The following TRAP1 variants were observed in gnomAD, a reference collection of about 807,000 sequenced individuals.
TRAP1 encodes heat shock protein 75 kDa, mitochondrial.
Under a neutral mutation model 89.1 loss-of-function variants are expected in TRAP1, and 102 were observed. That is an observed-to-expected ratio of 1.15 (90% CI 0.98 to 1.35). The LOEUF is 1.35. Among genes scored for constraint, TRAP1 ranks in the 40% most tolerant of loss-of-function variants. The pLI, the probability that TRAP1 is intolerant of heterozygous loss-of-function variation, is 0.00. For missense variants in TRAP1, 1,256 were observed against 945.3 expected, an observed-to-expected ratio of 1.33 and a Z score of -4.31; for synonymous variants, 508 against 388.0, an observed-to-expected ratio of 1.31 and a Z score of -3.64.
rs114728738 is a variant in TRAP1 at position 3,664,120 on chromosome 16, G to C, written c.1569+154C>G. 1,430 of 767,492 alleles carry C rather than the reference G, an allele frequency of 1.9e-3. 30 individuals are homozygous for C. In the African/African-American group the frequency reaches 0.023, roughly 12 times the overall value. The allele number at this position is 767,492 out of a possible 1,614,324, so 47.5% of individuals were successfully genotyped here. A position where few individuals can be genotyped will look rare whatever the true frequency, so the allele number is the denominator to read the frequency against. ...TGTGACCTCCAAGTGGGAAACAGCC[G>C]TCACAGTCGGTCCGGCCTCTGTGCC... On this transcript the variant is annotated intron_variant, in intron 13 of 17. Coordinates refer to ENST00000246957, the MANE Select transcript of TRAP1 (RefSeq NM_016292.3).
chr16:3,707,364 T>C (rs976939677), intron 1 of TRAP1, among the ~76,000 whole-genome samples: 5 of 151,338 alleles, frequency 3.3e-5, no homozygotes, highest in African/African-American at 1.2e-4. Flanking sequence ...GTTTTGTATT[T>C]TTAGTAGAGA....
At chr16:3,709,227 C>CAAAAAAA (rs58859365) in intron 1 of TRAP1, among the ~76,000 whole-genome samples, 40 of 82,264 alleles carry the variant, frequency 4.9e-4, no homozygotes, top group Middle Eastern at 6.3e-3. Context: ...AACTCCATCT[C>CAAAAAAA]AAAAAAAAAA....
chr16:3,705,329 A>C (rs961625709), intron 1 of TRAP1, among the ~76,000 whole-genome samples: 53 of 152,140 alleles, frequency 3.5e-4, no homozygotes, highest in Non-Finnish European at 4.1e-4. Context: ...TCGGCCTCCC[A>C]AAGTGCTGGG....
At position 3,658,824 on chromosome 16, in the gene TRAP1, T is replaced by C. The variant is rs2042885861; in HGVS notation, c.1982A>G (p.Glu661Gly). Residue 661 changes from glutamate (E) to glycine (G), a missense_variant, in exon 17 of 18, where the codon GAG (glutamate) becomes GGG (glycine). Transcript: ENST00000246957. The stretch of plus-strand genomic sequence containing the variant: ...CACCAGCAGCTGAGCCAGGCCAGGC[T>C]CGCTTGCGCGCAGCTGATTCAGCTT... ...IKKLNQLRAS[E>G]PGLAQLLVDQ... The C allele has an allele frequency of 6.2e-7, 1 of 1,613,942 alleles. No individual in the cohort carries two copies. Among genetic ancestry groups the C allele is most frequent in the Non-Finnish European group, 8.5e-7 (1 of 1,179,974 alleles).
rs755039515 is a variant in TRAP1, at chr16:3,689,131, G to C, written c.254C>G (p.Thr85Ser). 3.1e-6 allele frequency: 5 copies of C among 1,613,078 alleles called. No homozygotes were observed. The East Asian group carries it at 1.1e-4, about 36-fold the overall frequency. ...ISSTESVQGS[T>S]SKHEFQAETK... The stretch of plus-strand genomic sequence containing the variant: ...CTCGGCCTGGAACTCATGTTTGGAA[G>C]TGGAACCTAGTAATGAAACACAGAC... Residue 85 changes from threonine (T) to serine (S), a missense_variant, in exon 3 of 18, where the codon ACT becomes AGT. By Grantham distance (58) the Thr-to-Ser change is moderately conservative. Coordinates refer to ENST00000246957, the MANE Select transcript of TRAP1 (RefSeq NM_016292.3).
chr16:3,697,819 G>A (rs1188309354), intron 1 of TRAP1, among the ~76,000 whole-genome samples: 1 of 147,362 alleles, frequency 6.8e-6, no homozygotes, highest in Non-Finnish European at 1.5e-5. Flanking sequence ...AGAAGGTCTT[G>A]CTCTGTTGCC....
chr16:3,690,813 C>G lies in TRAP1; in HGVS notation c.247+14G>C, dbSNP rs374748589. The G allele has an allele frequency of 7.2e-7, 1 of 1,380,946 alleles. No individual in the cohort carries two copies. The highest frequency in any genetic ancestry group is 2.8e-5 in the Admixed American group (1 of 35,220). 85.5% of individuals were successfully genotyped at this position (1,380,946 alleles called of 1,614,324 possible). On this transcript the variant is annotated intron_variant, in intron 2 of 17. Transcript: ENST00000246957. ...CAAAAAGCCCTCCCAGACCAAAGCA[C>G]GAGCCAAGGCTACCCTGCACGCTCT...
chr16:3,703,737 T>C (rs771131248), intron 1 of TRAP1, among the ~76,000 whole-genome samples: 10 of 151,998 alleles, frequency 6.6e-5, no homozygotes, highest in Non-Finnish European at 1.3e-4. Flanking sequence ...AAAGTTAGGC[T>C]GGGCGCGGTG....
chr16:3,702,409 T>A (rs1596747080), intron 1 of TRAP1, among the ~76,000 whole-genome samples: 1 of 151,692 alleles, frequency 6.6e-6, no homozygotes, highest in East Asian at 1.9e-4. Flanking sequence ...GGGAAGAAGT[T>A]TTTTGAGAAA....
intron 1 of TRAP1, among the ~76,000 whole-genome samples, chr16:3,715,556 A>G (rs989591814): frequency 6.6e-6 from 1 of 152,234 alleles, no homozygotes; most frequent in Non-Finnish European, 1.5e-5. Flanking sequence ...AATCACAAAC[A>G]CCTGTGGACG....
At chr16:3,678,980 G>A (rs770059551) in intron 5 of TRAP1, among the ~76,000 whole-genome samples, 4 of 152,162 alleles carry the variant, frequency 2.6e-5, no homozygotes, top group Non-Finnish European at 5.9e-5. Context: ...TGATGAGAAC[G>A]GGCTTGGGAT....
chr16:3,696,439 TAAAC>T (rs1182867249), intron 1 of TRAP1, among the ~76,000 whole-genome samples: 1 of 152,132 alleles, frequency 6.6e-6, no homozygotes, highest in East Asian at 1.9e-4. Context: ...GGTGCACACT[TAAAC>T]AGAGGAGGAG....
At chr16:3,670,933 G>A (rs1390288215) in intron 11 of TRAP1, among the ~76,000 whole-genome samples, 1 of 152,072 alleles carries the variant, frequency 6.6e-6, no homozygotes, top group Non-Finnish European at 1.5e-5. Flanking sequence ...CTCGGTGTGG[G>A]CCTCTCGCCA....
chr16:3,667,538 T>C (rs949004332), intron 11 of TRAP1, among the ~76,000 whole-genome samples: 3 of 151,108 alleles, frequency 2.0e-5, no homozygotes, highest in Non-Finnish European at 4.4e-5. Context: ...GGCAGGAGAA[T>C]CGCTTGAATC....
chr16:3,672,900 G>A lies in TRAP1; in HGVS notation c.1045-80C>T, dbSNP rs541967977. 56 of 1,513,636 alleles carry A rather than the reference G, an allele frequency of 3.7e-5. No individual in the cohort carries two copies. In the East Asian group the frequency reaches 8.7e-4, roughly 23 times the overall value. 93.8% of individuals were successfully genotyped at this position (1,513,636 alleles called of 1,614,324 possible). On this transcript the variant is annotated intron_variant, in intron 9 of 17. Transcript: ENST00000246957. ...CTGGCTGGGAGGTGGGGGCGGACACGATGAATCCAGAGCCCACTCCCGCCT... is the reference window on the plus strand; with the variant it reads ...CTGGCTGGGAGGTGGGGGCGGACACAATGAATCCAGAGCCCACTCCCGCCT...
At chr16:3,704,276 C>G (rs2051409567) in intron 1 of TRAP1, 1 of 152,152 alleles carries the variant, frequency 6.6e-6, no homozygotes, top group African/African-American at 2.4e-5. Context: ...ACCTGGGAGG[C>G]AGAGGTTCAG....
chr16:3,673,886 C>G (rs1176230349), intron 9 of TRAP1, among the ~76,000 whole-genome samples: 1 of 152,136 alleles, frequency 6.6e-6, no homozygotes, highest in Non-Finnish European at 1.5e-5. Flanking sequence ...AGACCACAGG[C>G]CCTTCCCAGA....
chr16:3,703,847 C>T (rs1298015493), intron 1 of TRAP1, among the ~76,000 whole-genome samples: 1 of 151,506 alleles, frequency 6.6e-6, no homozygotes, highest in African/African-American at 2.4e-5. Context: ...AAGCCAGTCT[C>T]TATTGAAAAT....
rs188618858 is a variant in TRAP1 at position 3,693,457 on chromosome 16, G to A, written c.89-2472C>T. On this transcript the variant is annotated intron_variant, in intron 1 of 17. Transcript: ENST00000246957. The stretch of plus-strand genomic sequence containing the variant: ...GGTATTTGGCATTAGAGGAGTTCGC[G>A]AACAGTCTACATCAAACCAGGGTGC... Among the ~76,000 whole-genome samples the A allele has an allele frequency of 6.6e-5, 10 of 151,990 alleles. No homozygotes were observed. The East Asian group carries it at 1.5e-3, about 23-fold the overall frequency.
Sources: allele counts gnomAD v4.1 joint callset (sites outside exome capture counted in the v4.1 genomes callset), GRCh38; gene constraint gnomAD v4.1.1; transcripts MANE v1.5; gene names NCBI Gene and HGNC (gene_info 2026-07-23, HGNC 2026-07-21).